The following TVP23C variants were observed in gnomAD, a reference collection of about 807,000 sequenced individuals.
TVP23C encodes the protein trans-golgi network vesicle protein 23 homolog C, also known as Golgi apparatus membrane protein TVP23 homolog C.
In TVP23C, 19 loss-of-function variants were observed where a neutral mutation model predicts 28.7. The observed-to-expected ratio is 0.66, with a 90% confidence interval of 0.46 to 0.97. The LOEUF (loss-of-function observed/expected upper bound fraction) is 0.97. Ranked by LOEUF, TVP23C falls within the 50% of genes least tolerant of loss-of-function variation. TVP23C has a pLI of 0.00. For missense variants in TVP23C, 186 were observed against 241.3 expected (o/e 0.77, Z 1.52); for synonymous variants, 68 against 81.7 (o/e 0.83, Z 0.90).
intron 5 of TVP23C, among the ~76,000 whole-genome samples, chr17:15,526,851 A>G (rs1982749776): frequency 6.6e-6 from 1 of 152,262 alleles, no homozygotes; most frequent in African/African-American, 2.4e-5. Flanking sequence ...TGTGAAAAAA[A>G]TAAATAACAG....
Position 15,547,313 on chromosome 17 carries a change from AGTAAAATG to A in TVP23C, c.241-173_241-166del, listed in dbSNP as rs1161904522. 7.9e-5 allele frequency among the ~76,000 whole-genome samples: 12 copies of A among 152,370 alleles called. No individual in the cohort carries two copies. In the East Asian group the frequency reaches 2.1e-3, roughly 27 times the overall value. On this transcript the variant is annotated intron_variant, in intron 3 of 5. Coordinates refer to ENST00000518321, the MANE Select transcript of TVP23C (RefSeq NM_001135036.2). ...TGTATCAGGCCTGGCTAAACGATTA[AGTAAAATG>A]GTAATGGCAGGACTAATAGGGGTAG...
At chr17:15,503,260 A>G (rs1291457503) in intron 5 of TVP23C, 9 of 1,458,436 alleles carry the variant, frequency 6.2e-6, no homozygotes, top group African/African-American at 1.4e-5. Flanking sequence ...AAAATAAATT[A>G]GCCAGGTGTA....
intron 5 of TVP23C, among the ~76,000 whole-genome samples, chr17:15,543,765 C>T (rs1983525698): frequency 6.6e-6 from 1 of 151,628 alleles, no homozygotes; most frequent in African/African-American, 2.4e-5. Flanking sequence ...TAACTTGTCC[C>T]CCTGTGTCCC....
intron 5 of TVP23C, among the ~76,000 whole-genome samples, chr17:15,526,518 G>A (rs1982735408): frequency 6.6e-6 from 1 of 152,188 alleles, no homozygotes; most frequent in Non-Finnish European, 1.5e-5. Flanking sequence ...CTGGTACATT[G>A]TGGGTATTAT....
chr17:15,506,353 G>C (rs1210588059), intron 5 of TVP23C, among the ~76,000 whole-genome samples: 1 of 148,174 alleles, frequency 6.7e-6, no homozygotes, highest in Non-Finnish European at 1.5e-5. Flanking sequence ...GTCTAGCTCA[G>C]GGTTTGTGAG....
At position 15,547,158 on chromosome 17, in the gene TVP23C, A is replaced by T. The variant is rs1983683244; in HGVS notation, c.241-10T>A. 8 of 1,612,666 alleles carry T rather than the reference A, an allele frequency of 5.0e-6. No homozygotes were observed. The highest frequency in any genetic ancestry group is 1.3e-5 in the African/African-American group (1 of 74,826). ...GTCTACCTGTGACATTCTGGTGAAG[A>T]TTAATATAAACAGGCACATTTTAAA... On this transcript the variant is annotated splice_polypyrimidine_tract_variant and intron_variant, in intron 3 of 5. Transcript: ENST00000518321.
At chr17:15,518,349 G>A (rs763531758) in intron 5 of TVP23C, among the ~76,000 whole-genome samples, 3 of 151,918 alleles carry the variant, frequency 2.0e-5, no homozygotes, top group East Asian at 3.9e-4. Context: ...CTGTATCAAC[G>A]GCACATCCAA....
At chr17:15,561,064 G>A (rs1249114137) in intron 1 of TVP23C, among the ~76,000 whole-genome samples, 1 of 152,166 alleles carries the variant, frequency 6.6e-6, no homozygotes, top group Non-Finnish European at 1.5e-5. Context: ...AAAAGAATAT[G>A]AGACCCTGAG....
At chr17:15,536,172 A>G (rs1423193070), downstream of TVP23C, among the ~76,000 whole-genome samples, 2 of 152,136 alleles carry the variant, frequency 1.3e-5, no homozygotes, top group East Asian at 3.9e-4. Flanking sequence ...CCTGGGTGAC[A>G]AGAGCAAAAA....
In TVP23C at chr17:15,537,012, T is replaced by A. The variant is rs1983183499; in HGVS notation, c.*3400A>T. On this transcript the variant is annotated 3_prime_UTR_variant, in exon 6 of 6. Transcript: ENST00000518321. ...TAAATAGTAGAATTTTATACAAATA[T>A]AAAGTTTTGCACCTTCAAAGCTATC... The A allele has an allele frequency of 1.1e-5, 2 of 176,744 alleles. No individual in the cohort carries two copies. Among genetic ancestry groups the A allele is most frequent in the Non-Finnish European group, 2.2e-5 (2 of 91,834 alleles). The allele number at this position is 176,744 out of a possible 1,614,324, so 10.9% of individuals were successfully genotyped here.
In TVP23C at chr17:15,555,312, G is replaced by T. The variant is rs757211321; in HGVS notation, c.65C>A (p.Thr22Lys). The change falls in exon 2 of 6, where the codon ACG becomes AAG. Residue 22 changes from threonine to lysine, a missense_variant. Thr to Lys is a moderately conservative substitution (Grantham distance 78, BLOSUM62 -1). Coordinates refer to ENST00000518321, the MANE Select transcript of TVP23C (RefSeq NM_001135036.2). The part of the protein sequence containing the change: ...DVSLFDAEEE[T>K]TNRPRKAKIR... The stretch of plus-strand genomic sequence containing the variant: ...TTTGGCTTTTCTTGGTCTATTAGTC[G>T]TCTCCTCTTCCGCATCAAACAGTGA... 1 of 1,613,864 alleles carries T rather than the reference G, an allele frequency of 6.2e-7. No individual in the cohort carries two copies.
intron 5 of TVP23C, among the ~76,000 whole-genome samples, chr17:15,528,777 T>C (rs1982831633): frequency 1.3e-5 from 2 of 151,596 alleles, no homozygotes; most frequent in Non-Finnish European, 2.9e-5. Context: ...TTTGTATTTT[T>C]AGCAGAGACG....
intron 3 of TVP23C, among the ~76,000 whole-genome samples, chr17:15,551,680 G>A (rs1422357339): frequency 4.4e-5 from 1 of 22,542 alleles, no homozygotes; most frequent in Non-Finnish European, 1.6e-4. Context: ...TTTTTTGTGT[G>A]CGATTTTTTT....
At chr17:15,548,995 G>A (rs1420669306) in intron 3 of TVP23C, among the ~76,000 whole-genome samples, 2 of 152,176 alleles carry the variant, frequency 1.3e-5, no homozygotes, top group South Asian at 2.1e-4. Flanking sequence ...CGCAGAAAGC[G>A]AAACCTCAGA....
chr17:15,502,813 T>TC (rs1981527121), exon 6 of TVP23C: 16 of 309,056 alleles, frequency 5.2e-5, no homozygotes, highest in South Asian at 1.3e-4. Flanking sequence ...CTCTCTCCTC[T>TC]CTCTCTCTCT....
intron 5 of TVP23C, among the ~76,000 whole-genome samples, chr17:15,511,046 T>TC (rs1981978467): frequency 1.2e-5 from 1 of 85,762 alleles, no homozygotes; most frequent in Non-Finnish European, 2.2e-5. Context: ...AGGGCCAGAC[T>TC]TCGTCTCAAA....
chr17:15,517,641 A>G (rs561108278), intron 5 of TVP23C, among the ~76,000 whole-genome samples: 60 of 152,284 alleles, frequency 3.9e-4, no homozygotes, highest in African/African-American at 1.4e-3. Context: ...GTTTATATCC[A>G]TCACTTGCTT....
At chr17:15,505,945 G>A (rs1487138856) in intron 5 of TVP23C, among the ~76,000 whole-genome samples, 1 of 152,240 alleles carries the variant, frequency 6.6e-6, no homozygotes, top group Non-Finnish European at 1.5e-5. Flanking sequence ...CTCGGGACCT[G>A]CAGCCCGCCA....
At chr17:15,545,760 T>C (rs907035645) in intron 5 of TVP23C, 25 bp downstream of exon 5, 6 of 1,597,598 alleles carry the variant, frequency 3.8e-6, no homozygotes, top group Non-Finnish European at 5.1e-6. Context: ...AATGGATTAT[T>C]TGAAAGTTCT....
Sources: allele counts gnomAD v4.1 joint callset (sites outside exome capture counted in the v4.1 genomes callset), GRCh38; gene constraint gnomAD v4.1.1; transcripts MANE v1.5; gene names NCBI Gene and HGNC (gene_info 2026-07-23, HGNC 2026-07-21).